Variants in HIPK3 observed in about 807,000 individuals in gnomAD.
HIPK3 encodes homeodomain-interacting protein kinase 3.
A neutral mutation model predicts 124.2 loss-of-function variants in HIPK3; 47 were observed. That is an observed-to-expected ratio of 0.38 (90% CI 0.30 to 0.48). The LOEUF is 0.48. HIPK3 is among the 20% of genes least tolerant of loss of function. The pLI, the probability that HIPK3 is intolerant of heterozygous loss-of-function variation, is 0.98. For synonymous variants in HIPK3, 482 were observed against 515.2 expected (o/e 0.94, Z 0.87); for missense variants, 1,286 against 1,454.3 (o/e 0.88, Z 1.88).
intron 1 of HIPK3, among the ~76,000 whole-genome samples, chr11:33,264,220 G>A (rs1181643526): frequency 6.6e-6 from 1 of 151,928 alleles, no homozygotes; most frequent in African/African-American, 2.4e-5. Context: ...GCATAATAAA[G>A]GAAAATGTAG....
chr11:33,307,468 G>A (rs566813608), intron 2 of HIPK3, among the ~76,000 whole-genome samples: 28 of 147,748 alleles, frequency 1.9e-4, no homozygotes, highest in East Asian at 1.2e-3. Context: ...GCGTGATCTC[G>A]GTTTATTGCA....
At chr11:33,302,003 T>C (rs1378729902) in intron 2 of HIPK3, among the ~76,000 whole-genome samples, 1 of 152,166 alleles carries the variant, frequency 6.6e-6, no homozygotes, top group Non-Finnish European at 1.5e-5. Flanking sequence ...ACCTAAGGAA[T>C]GAAACTCCTT....
At chr11:33,303,928 G>T (rs61887926) in intron 2 of HIPK3, among the ~76,000 whole-genome samples, 32,580 of 151,876 alleles carry the variant, frequency 0.21, 4,121 homozygotes, top group East Asian at 0.36. Context: ...AAAATTATTT[G>T]ATATATATGT....
chr11:33,304,574 G>A (rs1262202230), intron 2 of HIPK3, among the ~76,000 whole-genome samples: 1 of 151,902 alleles, frequency 6.6e-6, no homozygotes. Context: ...AAAAAAAGAG[G>A]TAATGGAAGC....
intron 2 of HIPK3, among the ~76,000 whole-genome samples, chr11:33,293,765 C>T (rs1003961478): frequency 6.6e-6 from 1 of 152,092 alleles, no homozygotes; most frequent in Non-Finnish European, 1.5e-5. Flanking sequence ...TTTAGTGCCT[C>T]TAAAATGTAA....
chr11:33,310,708 A>G (rs1852310407), intron 2 of HIPK3, among the ~76,000 whole-genome samples: 1 of 152,260 alleles, frequency 6.6e-6, no homozygotes, highest in African/African-American at 2.4e-5. Flanking sequence ...ATGTGCAGAT[A>G]GAGATAGTAC....
chr11:33,285,608 A>G (rs866253491), intron 1 of HIPK3, among the ~76,000 whole-genome samples: 30 of 151,510 alleles, frequency 2.0e-4, no homozygotes, highest in African/African-American at 7.0e-4. Flanking sequence ...GTTAAAGCAG[A>G]CATAGATTTT....
intron 1 of HIPK3, among the ~76,000 whole-genome samples, chr11:33,284,613 G>A (rs1200760692): frequency 2.0e-5 from 3 of 152,168 alleles, no homozygotes; most frequent in African/African-American, 7.2e-5. Flanking sequence ...AGCTATGATT[G>A]TGCCACTGCA....
At chr11:33,303,323 GA>G (rs36100597) in intron 2 of HIPK3, among the ~76,000 whole-genome samples, 14 of 152,152 alleles carry the variant, frequency 9.2e-5, no homozygotes, top group East Asian at 7.7e-4. Flanking sequence ...TATTTACAAG[GA>G]AAAAAAGTCT....
intron 1 of HIPK3, among the ~76,000 whole-genome samples, chr11:33,260,002 CCTTA>C (rs1367296243): frequency 2.0e-5 from 3 of 151,970 alleles, no homozygotes; most frequent in African/African-American, 7.3e-5. Flanking sequence ...GATAAGTCAG[CCTTA>C]CTTAGTTTAT....
chr11:33,314,783 G>A (rs989724615), intron 2 of HIPK3, among the ~76,000 whole-genome samples: 3 of 152,098 alleles, frequency 2.0e-5, no homozygotes, highest in Admixed American at 1.3e-4. Flanking sequence ...AATAATTTTT[G>A]TTGTCTGATC....
intron 1 of HIPK3, among the ~76,000 whole-genome samples, chr11:33,270,325 GT>G (rs945032701): frequency 6.6e-6 from 1 of 151,364 alleles, no homozygotes; most frequent in Non-Finnish European, 1.5e-5. Flanking sequence ...TTTATTTATT[GT>G]TTTTTTGAGA....
At chr11:33,257,134 G>C (rs902675505), upstream of HIPK3, among the ~76,000 whole-genome samples, 3 of 152,078 alleles carry the variant, frequency 2.0e-5, no homozygotes, top group Non-Finnish European at 4.4e-5. Context: ...TGCTTCTTTC[G>C]CGGGAGGCTT....
chr11:33,345,618 A>AT (rs11422208), intron 8 of HIPK3, among the ~76,000 whole-genome samples: 150,319 of 150,588 alleles, frequency 1, 75,025 homozygotes, highest in Middle Eastern at 1. Context: ...AAGTGAAGAG[A>AT]TTTTTTTTTT....
At chr11:33,326,527 G>T (rs1006908709) in intron 2 of HIPK3, among the ~76,000 whole-genome samples, 14 of 152,206 alleles carry the variant, frequency 9.2e-5, no homozygotes, top group Non-Finnish European at 1.8e-4. Context: ...GATCCTCAGA[G>T]AAATAGCTGT....
rs776731441 is a variant in HIPK3, at chr11:33,286,819, T to A, written c.405T>A (p.Asp135Glu). The A allele has an allele frequency of 2.5e-6, 4 of 1,614,174 alleles. No individual in the cohort carries two copies. Among genetic ancestry groups the A allele is most frequent in the Non-Finnish European group, 3.4e-6 (4 of 1,180,032 alleles). The stretch of plus-strand genomic sequence containing the variant: ...TGAAGCGCAAGAGTGAGGAGTTGGA[T>A]AATCATAGCAGCGCAATGCAGATTG... ...CGLKRKSEEL[D>E]NHSSAMQIVD... is the part of the protein sequence containing the mutation. Residue 135 changes from aspartate (D) to glutamate (E), a missense_variant, in exon 2 of 17, where the codon GAT becomes GAA. By Grantham distance (45) the Asp-to-Glu change is conservative. This residue lies in a region of HIPK3 where 225 missense variants were observed against 240.3 expected (regional missense o/e 0.94). Transcript: ENST00000303296.
Position 33,286,728 on chromosome 11 carries a change from A to C in HIPK3, c.314A>C (p.Gln105Pro). Residue 105 changes from glutamine to proline, a missense_variant, in exon 2 of 17, where the codon CAG becomes CCG. Gln to Pro is a moderately conservative substitution (Grantham distance 76). This residue lies in a region of HIPK3 where 225 missense variants were observed against 240.3 expected (regional missense o/e 0.94). Coordinates refer to ENST00000303296, the MANE Select transcript of HIPK3 (RefSeq NM_005734.5). ...GCTCAGGCACAGCAAGCTCACGTGC[A>C]GGCACCTCAGATTGGGGCGTGGCGA... ...IAAQAQQAHV[Q>P]APQIGAWRNR... The C allele has an allele frequency of 6.2e-7, 1 of 1,614,092 alleles. No homozygotes were observed. The highest frequency in any genetic ancestry group is 8.5e-7 in the Non-Finnish European group (1 of 1,180,006).
chr11:33,330,503 A>G (rs547943512), intron 3 of HIPK3, among the ~76,000 whole-genome samples: 22 of 152,022 alleles, frequency 1.4e-4, no homozygotes, highest in East Asian at 3.9e-4. Flanking sequence ...CAATTTTTGT[A>G]TTTTTAGTAG....
chr11:33,346,091 C>T (rs975774434), intron 8 of HIPK3, among the ~76,000 whole-genome samples: 14 of 152,144 alleles, frequency 9.2e-5, no homozygotes, highest in African/African-American at 3.4e-4. Context: ...CATTAATGTA[C>T]TTTCTGATCT....
Sources: gnomAD v4.1 joint callset for allele counts (sites outside exome capture counted in the v4.1 genomes callset) on GRCh38, gnomAD v4.1.1 for gene constraint, gnomAD v4.1.1 regional missense constraint, MANE v1.5 for transcripts, NCBI Gene and HGNC (gene_info 2026-07-23, HGNC 2026-07-21) for gene names.